The following LINGO2 variants were observed in gnomAD, a reference collection of about 807,000 sequenced individuals.
The protein encoded by LINGO2 is leucine rich repeat and Ig domain containing 2, also known as leucine-rich repeat and immunoglobulin-like domain-containing nogo receptor-interacting protein 2.
Under a neutral mutation model 30.6 loss-of-function variants are expected in LINGO2, and 14 were observed. The ratio of observed to expected loss-of-function variants is 0.46; its 90% confidence interval spans 0.30 to 0.72. The LOEUF is 0.72. Among genes scored for constraint, LINGO2 ranks in the 30% least tolerant of loss-of-function variants. The probability of loss-of-function intolerance (pLI) is 0.07; values close to 1 mark genes in which losing one functional copy is unlikely to be tolerated. For synonymous variants in LINGO2, 317 were observed against 288.5 expected, an observed-to-expected ratio of 1.10 and a Z score of -1.00; for missense variants, 729 against 751.7, an observed-to-expected ratio of 0.97 and a Z score of 0.35.
At chr9:28,639,021 C>G (rs1049004545) in intron 1 of LINGO2, among the ~76,000 whole-genome samples, 2 of 152,056 alleles carry the variant, frequency 1.3e-5, no homozygotes, top group Admixed American at 1.3e-4. Context: ...TATGTTGTGT[C>G]TTTGTTCTCG....
the LINGO2 span, among the ~76,000 whole-genome samples, chr9:28,707,161 A>G: frequency 6.6e-6 from 1 of 152,124 alleles, no homozygotes; most frequent in Non-Finnish European, 1.5e-5. Context: ...ATGGCAAAGA[A>G]AGAGTGATAA....
At chr9:28,122,380 A>G (rs1444996528) in intron 4 of LINGO2, among the ~76,000 whole-genome samples, 2 of 152,214 alleles carry the variant, frequency 1.3e-5, no homozygotes, top group Admixed American at 6.5e-5. Context: ...GGAAAATAAC[A>G]AGTGCTTAGG....
At chr9:28,446,832 T>C (rs998786970) in intron 2 of LINGO2, among the ~76,000 whole-genome samples, 1 of 152,206 alleles carries the variant, frequency 6.6e-6, no homozygotes, top group Non-Finnish European at 1.5e-5. Flanking sequence ...CCATTCCCTT[T>C]GGGCTAAAAT....
the LINGO2 span, among the ~76,000 whole-genome samples, chr9:28,865,386 C>G: frequency 6.6e-6 from 1 of 152,140 alleles, no homozygotes; most frequent in Non-Finnish European, 1.5e-5. Context: ...CAATCCCAAA[C>G]TGGCCCAGGC....
At chr9:28,927,276 A>G in the LINGO2 span, among the ~76,000 whole-genome samples, 1 of 152,198 alleles carries the variant, frequency 6.6e-6, no homozygotes, top group African/African-American at 2.4e-5. Context: ...TTACCCTTTC[A>G]TTCTATGCTT....
chr9:28,717,803 G>A, the LINGO2 span, among the ~76,000 whole-genome samples: 1 of 151,852 alleles, frequency 6.6e-6, no homozygotes, highest in Non-Finnish European at 1.5e-5. Flanking sequence ...TTCAGGTGCT[G>A]GACCACTCGT....
At chr9:28,829,146 A>AGCAGCTTGACTTCAGAGGG in the LINGO2 span, among the ~76,000 whole-genome samples, 1 of 152,172 alleles carries the variant, frequency 6.6e-6, no homozygotes, top group Non-Finnish European at 1.5e-5. Context: ...GTCAGAGAGA[A>AGCAGCTTGACTTCAGAGGG]GCAGCTTGAC....
intron 1 of LINGO2, among the ~76,000 whole-genome samples, chr9:28,584,591 C>T (rs943746869): frequency 1.3e-5 from 2 of 151,962 alleles, no homozygotes; most frequent in Admixed American, 6.6e-5. Context: ...TACACTATTA[C>T]TTATAAACAG....
the LINGO2 span, among the ~76,000 whole-genome samples, chr9:28,847,956 T>C: frequency 4.0e-5 from 3 of 75,122 alleles, no homozygotes; most frequent in Non-Finnish European, 5.9e-5. Flanking sequence ...TGCATATATA[T>C]ACACACATAT....
intron 1 of LINGO2, among the ~76,000 whole-genome samples, chr9:28,506,141 C>A (rs1820100997): frequency 6.6e-6 from 1 of 151,238 alleles, no homozygotes; most frequent in African/African-American, 2.4e-5. Flanking sequence ...CAGCAACATA[C>A]CATCTCAAAT....
chr9:28,092,869 A>G (rs1414921215), intron 4 of LINGO2, among the ~76,000 whole-genome samples: 6 of 152,084 alleles, frequency 3.9e-5, no homozygotes, highest in Non-Finnish European at 2.9e-5. Flanking sequence ...AAAAATAGTT[A>G]CTGTTTACTG....
chr9:28,963,661 G>A, the LINGO2 span, among the ~76,000 whole-genome samples: 1 of 151,766 alleles, frequency 6.6e-6, no homozygotes, highest in Non-Finnish European at 1.5e-5. Flanking sequence ...ATTATGGTAA[G>A]TGAAATAAGC....
chr9:28,501,105 A>G, intron 1 of LINGO2, among the ~76,000 whole-genome samples: 1 of 152,178 alleles, frequency 6.6e-6, no homozygotes, highest in East Asian at 1.9e-4. Flanking sequence ...AAATAAAAAA[A>G]GATTTCTATA....
chr9:28,299,583 T>C (rs977067264), intron 3 of LINGO2, among the ~76,000 whole-genome samples: 2 of 152,116 alleles, frequency 1.3e-5, no homozygotes, highest in Admixed American at 1.3e-4. Flanking sequence ...TTTTTAATTG[T>C]CTCCCAAATT....
At chr9:28,184,236 G>A (rs754531465) in intron 4 of LINGO2, among the ~76,000 whole-genome samples, 1 of 152,130 alleles carries the variant, frequency 6.6e-6, no homozygotes, top group Non-Finnish European at 1.5e-5. Context: ...CATAAATGCT[G>A]TATACTTCTT....
chr9:29,003,582 G>T, the LINGO2 span, among the ~76,000 whole-genome samples: 1 of 152,004 alleles, frequency 6.6e-6, no homozygotes, highest in Non-Finnish European at 1.5e-5. Context: ...TTCTGCAGCT[G>T]ATGGTTGGAA....
the LINGO2 span, among the ~76,000 whole-genome samples, chr9:28,982,959 C>G: frequency 1.3e-5 from 2 of 151,696 alleles, no homozygotes; most frequent in Non-Finnish European, 2.9e-5. Context: ...TTGCTAGTGA[C>G]TGACAATTCA....
At chr9:28,308,943 A>T (rs1331704499) in intron 3 of LINGO2, among the ~76,000 whole-genome samples, 1 of 152,164 alleles carries the variant, frequency 6.6e-6, no homozygotes, top group South Asian at 2.1e-4. Flanking sequence ...CAGGTGCTGG[A>T]AAGGATGTGG....
the LINGO2 span, among the ~76,000 whole-genome samples, chr9:29,139,103 G>A: frequency 2.0e-5 from 3 of 152,108 alleles, no homozygotes; most frequent in Admixed American, 2.0e-4. Flanking sequence ...CGCTTATAAG[G>A]CAAGAAACTG....
Sources: gnomAD v4.1 joint callset for allele counts (sites outside exome capture counted in the v4.1 genomes callset) on GRCh38, gnomAD v4.1.1 for gene constraint, MANE v1.5 for transcripts, NCBI Gene and HGNC (gene_info 2026-07-23, HGNC 2026-07-21) for gene names.